IL22RA2: variants seen among roughly 807,000 people sequenced by gnomAD.
IL22RA2 encodes interleukin 22 receptor subunit alpha 2, also known as interleukin-22 receptor subunit alpha-2.
Under a neutral mutation model 30.7 loss-of-function variants are expected in IL22RA2, and 39 were observed. The ratio of observed to expected loss-of-function variants is 1.27; its 90% CI spans 0.98 to 1.66. The LOEUF (loss-of-function observed/expected upper bound fraction) is 1.66, where lower values mean the gene tolerates loss of function less well. Among genes scored for constraint, IL22RA2 ranks in the 40% most tolerant of loss-of-function variants. The pLI is 0.00. For missense variants in IL22RA2, 315 were observed against 312.7 expected, an observed-to-expected ratio of 1.01 and a Z score of -0.05; for synonymous variants, 103 against 105.0, an observed-to-expected ratio of 0.98 and a Z score of 0.11.
intron 1 of IL22RA2, among the ~76,000 whole-genome samples, chr6:137,167,611 C>A (rs914619018): frequency 3.9e-4 from 60 of 152,144 alleles, no homozygotes; most frequent in African/African-American, 1.4e-3. Context: ...TGGGATAGTC[C>A]CCATATTGTG....
chr6:137,170,059 C>G (rs968488058), intron 1 of IL22RA2, among the ~76,000 whole-genome samples: 2 of 152,170 alleles, frequency 1.3e-5, no homozygotes, highest in Admixed American at 1.3e-4. Flanking sequence ...GCTTCCCTGT[C>G]TCTTGCCATT....
Position 137,144,036 on chromosome 6 carries a change from G to T in IL22RA2, c.*1588C>A, listed in dbSNP as rs1018280520. 3.9e-5 allele frequency: 6 copies of T among 152,136 alleles called. No individual in the cohort carries two copies. Among genetic ancestry groups the T allele is most frequent in the Non-Finnish European group, 7.4e-5 (5 of 68,014 alleles). The allele number at this position is 152,136 out of a possible 1,614,324, so 9.4% of individuals were successfully genotyped here. On this transcript the variant is annotated 3_prime_UTR_variant, in exon 7 of 7. Transcript: ENST00000296980. ...TTTTGTTTTATTAAGTCAGGCTTCA[G>T]GACTACTGAATTGCATTCACTAAAA...
chr6:137,147,082 G>A (rs553850567), intron 6 of IL22RA2, among the ~76,000 whole-genome samples: 18 of 150,842 alleles, frequency 1.2e-4, no homozygotes, highest in Non-Finnish European at 2.1e-4. Context: ...CGGGGAGGTG[G>A]CTTATGCCTG....
At chr6:137,166,133 G>A (rs767447722) in intron 1 of IL22RA2, among the ~76,000 whole-genome samples, 13 of 152,334 alleles carry the variant, frequency 8.5e-5, no homozygotes, top group Admixed American at 3.9e-4. Flanking sequence ...ATACTTTGCT[G>A]ATGGAAGCAG....
rs1205369513 is a variant in IL22RA2, at chr6:137,145,677, T to C, written c.739A>G (p.Met247Val). Reference protein sequence around the residue: ...YCVVAEIYQPMLDRRSQRSEE... With the variant: ...YCVVAEIYQPVLDRRSQRSEE... ...CTTCTCTGACTTCTTCTGTCTAACA[T>C]GGGCTGATATATTTCAGCCACTACA... is the stretch of plus-strand genomic sequence containing the variant. The change falls in exon 7 of 7, where the codon ATG (methionine) becomes GTG (valine). Residue 247 changes from methionine (M) to valine (V), a missense_variant. Transcript: ENST00000296980. The C allele has an allele frequency of 6.2e-7, 1 of 1,613,178 alleles. No homozygotes were observed.
intron 5 of IL22RA2, among the ~76,000 whole-genome samples, chr6:137,152,586 A>G (rs1452158402): frequency 6.6e-6 from 1 of 152,216 alleles, no homozygotes; most frequent in Non-Finnish European, 1.5e-5. Flanking sequence ...GCCAAAGGGT[A>G]TGGAGTTGCT....
intron 5 of IL22RA2, among the ~76,000 whole-genome samples, chr6:137,150,981 A>T (rs1001300094): frequency 6.6e-6 from 1 of 152,184 alleles, no homozygotes; most frequent in Admixed American, 6.5e-5. Context: ...GTATGGATGG[A>T]TCCCTAAGTA....
Position 137,145,543 on chromosome 6 carries a change from A to G in IL22RA2, c.*81T>C. 1.5e-6 allele frequency: 2 copies of G among 1,318,232 alleles called. No homozygotes were observed. The highest frequency in any genetic ancestry group is 2.1e-6 in the Non-Finnish European group (2 of 965,644). The allele number at this position is 1,318,232 out of a possible 1,614,324, so 81.7% of individuals were successfully genotyped here. A position where few individuals can be genotyped will look rare whatever the true frequency, so the allele number is the denominator to read the frequency against. ...TTAAGAAAATACAAAAACAATTTTAAATAAGATCCTTCAAACACGAGTCAT... is the reference window on the plus strand; with the variant it reads ...TTAAGAAAATACAAAAACAATTTTAGATAAGATCCTTCAAACACGAGTCAT... On this transcript the variant is annotated 3_prime_UTR_variant, in exon 7 of 7. Coordinates refer to ENST00000296980, the MANE Select transcript of IL22RA2 (RefSeq NM_052962.3).
At chr6:137,149,785 T>A (rs1778252514) in intron 5 of IL22RA2, among the ~76,000 whole-genome samples, 1 of 152,220 alleles carries the variant, frequency 6.6e-6, no homozygotes, top group Non-Finnish European at 1.5e-5. Context: ...CAGTCCCATC[T>A]CATTATGGAC....
At chr6:137,150,358 A>G (rs1447236005) in intron 5 of IL22RA2, among the ~76,000 whole-genome samples, 1 of 151,982 alleles carries the variant, frequency 6.6e-6, no homozygotes, top group Admixed American at 6.6e-5. Flanking sequence ...TCTTCTCACT[A>G]TTGCATCAAC....
chr6:137,151,152 C>G (rs1172001469), intron 5 of IL22RA2, among the ~76,000 whole-genome samples: 4 of 152,168 alleles, frequency 2.6e-5, no homozygotes, highest in African/African-American at 9.7e-5. Flanking sequence ...AGGGCTCACC[C>G]TTCCCAATTT....
Position 137,164,496 on chromosome 6 carries a change from C to T in IL22RA2, c.-65-2682G>A, listed in dbSNP as rs543343849. 5.9e-5 allele frequency among the ~76,000 whole-genome samples: 9 copies of T among 152,324 alleles called. No individual in the cohort carries two copies. The East Asian group carries it at 1.2e-3, about 20-fold the overall frequency. ...AGAAAAAGAAAAGTCACAGGAAAAG[C>T]AGTAAAAACCTGTCCTACAGGCCCC... On this transcript the variant is annotated intron_variant, in intron 1 of 6. Coordinates refer to ENST00000296980, the MANE Select transcript of IL22RA2 (RefSeq NM_052962.3).
chr6:137,162,785 G>T (rs1474838180), intron 1 of IL22RA2, among the ~76,000 whole-genome samples: 1 of 152,292 alleles, frequency 6.6e-6, no homozygotes, highest in East Asian at 1.9e-4. Flanking sequence ...TTCTCAGAAA[G>T]AAACATTTCG....
At position 137,144,265 on chromosome 6, in the gene IL22RA2, A is replaced by T. The variant is rs1290232824; in HGVS notation, c.*1359T>A. On this transcript the variant is annotated 3_prime_UTR_variant, in exon 7 of 7. Transcript: ENST00000296980. ...TTCTGAGCATACAGGGAAGCAAGGAAACCAATTCTCTAGCTCTTGCTCTGC... is the reference window on the plus strand; with the variant it reads ...TTCTGAGCATACAGGGAAGCAAGGATACCAATTCTCTAGCTCTTGCTCTGC... 6.6e-6 allele frequency: 1 copy of T among 152,206 alleles called. No individual in the cohort carries two copies. Among genetic ancestry groups the T allele is most frequent in the African/African-American group, 2.4e-5 (1 of 41,460 alleles). 9.4% of individuals were successfully genotyped at this position (152,206 alleles called of 1,614,324 possible).
chr6:137,158,564 G>GAAAA, intron 2 of IL22RA2, 82 bp from the exon 3 acceptor site: 1 of 1,409,948 alleles, frequency 7.1e-7, no homozygotes, highest in Admixed American at 1.7e-5. Flanking sequence ...TGGAATACCT[G>GAAAA]CATCAGGATT....
rs140840931 is a variant in IL22RA2 at position 137,145,705 on chromosome 6, G to C, written c.711C>G (p.Tyr237Ter). Residue 237 changes from tyrosine (Y) to a stop codon, truncating the protein, a stop_gained, in exon 7 of 7, where the codon TAC becomes TAG. Transcript: ENST00000296980. LOFTEE classifies it low-confidence loss of function (END_TRUNC). The part of the protein sequence containing the change: ...EIEALTPHSS[Y>*]CVVAEIYQPM... ...GCTGATATATTTCAGCCACTACACA[G>C]TAGCTGGAGTGTGGTGTTAGAGCTT... The C allele has an allele frequency of 8.1e-6, 13 of 1,613,568 alleles. No homozygotes were observed. Among genetic ancestry groups the C allele is most frequent in the Non-Finnish European group, 1.0e-5 (12 of 1,179,778 alleles).
At chr6:137,169,888 G>T (rs746596021) in intron 1 of IL22RA2, among the ~76,000 whole-genome samples, 1 of 152,232 alleles carries the variant, frequency 6.6e-6, no homozygotes, top group African/African-American at 2.4e-5. Context: ...TGGAAAAGCT[G>T]TCATGGAAAT....
chr6:137,170,870 G>T (rs1418726063), intron 1 of IL22RA2, among the ~76,000 whole-genome samples: 1 of 152,108 alleles, frequency 6.6e-6, no homozygotes, highest in Non-Finnish European at 1.5e-5. Context: ...AGGAACAATC[G>T]ATAAACTAGA....
In IL22RA2 at chr6:137,154,986, A is replaced by G. The variant is rs200184117; in HGVS notation, c.427T>C (p.Tyr143His). ...CGCGGCGTCATGCTCCATTCTGAGT[A>G]GCTCCCAGCCGAGGCCGCCCTCACC... ...GRVRAASAGS[Y>H]SEWSMTPRFT... Residue 143 changes from tyrosine to histidine, a missense_variant, in exon 5 of 7, where the codon TAC becomes CAC. Tyr to His is a moderately conservative substitution (Grantham distance 83). Transcript: ENST00000296980. 8.8e-5 allele frequency: 142 copies of G among 1,613,952 alleles called. No homozygotes were observed. Among genetic ancestry groups the G allele is most frequent in the Non-Finnish European group, 8.6e-5 (102 of 1,179,976 alleles).
Sources: gnomAD v4.1 joint callset for allele counts (sites outside exome capture counted in the v4.1 genomes callset) on GRCh38, gnomAD v4.1.1 for gene constraint, MANE v1.5 for transcripts, NCBI Gene and HGNC (gene_info 2026-07-23, HGNC 2026-07-21) for gene names.